PTPRD: variants seen among roughly 807,000 people sequenced by gnomAD.
PTPRD encodes protein tyrosine phosphatase receptor type D.
PTPRD carries 34 observed loss-of-function variants against 214.5 expected under a neutral mutation model. That is an observed-to-expected ratio of 0.16 (90% CI 0.12 to 0.21). The LOEUF (loss-of-function observed/expected upper bound fraction) is 0.21. Among genes scored for constraint, PTPRD ranks in the 10% least tolerant of loss-of-function variants. The probability of loss-of-function intolerance (pLI) is 1.00; values close to 1 mark genes in which losing one functional copy is unlikely to be tolerated. For missense variants in PTPRD, 2,545 were observed against 2,398.7 expected, an observed-to-expected ratio of 1.06 and a Z score of -1.27; for synonymous variants, 1,128 against 845.7, an observed-to-expected ratio of 1.33 and a Z score of -5.79.
At chr9:9,935,300 A>T (rs535388506) in intron 5 of PTPRD, among the ~76,000 whole-genome samples, 11 of 152,168 alleles carry the variant, frequency 7.2e-5, no homozygotes, top group South Asian at 4.1e-4. Flanking sequence ...TGTTTGCAGA[A>T]GACATGATTG....
chr9:9,335,761 CCT>C (rs1233483293), intron 9 of PTPRD, among the ~76,000 whole-genome samples: 2 of 151,986 alleles, frequency 1.3e-5, no homozygotes, highest in Non-Finnish European at 2.9e-5. Context: ...TTCATTCAAT[CCT>C]CTCTTTTACA....
intron 12 of PTPRD, among the ~76,000 whole-genome samples, chr9:8,661,310 T>C (rs1422206699): frequency 6.6e-6 from 1 of 152,084 alleles, no homozygotes; most frequent in Non-Finnish European, 1.5e-5. Context: ...TATGATTCAC[T>C]GTTCTAAATT....
chr9:9,970,067 G>C (rs112858695), intron 4 of PTPRD, among the ~76,000 whole-genome samples: 6 of 152,234 alleles, frequency 3.9e-5, no homozygotes, highest in African/African-American at 1.4e-4. Context: ...AAGGTGAAAA[G>C]GAGACCGTTT....
At chr9:9,782,639 G>T (rs1477903826) in intron 5 of PTPRD, among the ~76,000 whole-genome samples, 2 of 152,136 alleles carry the variant, frequency 1.3e-5, no homozygotes, top group African/African-American at 4.8e-5. Flanking sequence ...AAAAATTATT[G>T]CAATGAGTAT....
chr9:10,308,502 G>A (rs954108491), intron 3 of PTPRD, among the ~76,000 whole-genome samples: 15 of 151,882 alleles, frequency 9.9e-5, no homozygotes, highest in South Asian at 4.2e-4. Context: ...GTGTGATGTC[G>A]CCAGCTTTGT....
chr9:10,034,630 A>C (rs1420923407), intron 3 of PTPRD, among the ~76,000 whole-genome samples: 1 of 151,896 alleles, frequency 6.6e-6, no homozygotes, highest in Admixed American at 6.6e-5. Context: ...GTGTGTCCAT[A>C]TGTTCTCACC....
chr9:9,991,810 T>C (rs1471105164), intron 4 of PTPRD, among the ~76,000 whole-genome samples: 2 of 147,006 alleles, frequency 1.4e-5, no homozygotes, highest in Non-Finnish European at 3.0e-5. Flanking sequence ...CAATAACAAA[T>C]GTGCGAGGGA....
At chr9:8,669,076 G>A (rs570252081) in intron 12 of PTPRD, among the ~76,000 whole-genome samples, 1 of 152,182 alleles carries the variant, frequency 6.6e-6, no homozygotes, top group African/African-American at 2.4e-5. Context: ...TATGGGAAAG[G>A]GGAGGGAGGT....
At chr9:9,266,976 CA>C (rs1450764080) in intron 9 of PTPRD, among the ~76,000 whole-genome samples, 1 of 151,032 alleles carries the variant, frequency 6.6e-6, no homozygotes, top group Non-Finnish European at 1.5e-5. Context: ...ATAGAGACTA[CA>C]AAAAATTAGA....
intron 8 of PTPRD, among the ~76,000 whole-genome samples, chr9:9,474,429 C>T (rs1225254108): frequency 1.3e-5 from 2 of 151,970 alleles, no homozygotes; most frequent in African/African-American, 2.4e-5. Flanking sequence ...ATTCAAGGAC[C>T]TTTGTGGTCC....
intron 7 of PTPRD, among the ~76,000 whole-genome samples, chr9:9,712,857 G>A (rs529083735): frequency 1.3e-5 from 2 of 152,258 alleles, no homozygotes; most frequent in African/African-American, 4.8e-5. Context: ...TATGGTATTT[G>A]TTTTTAATAG....
chr9:10,394,965 T>TG (rs200243683), intron 2 of PTPRD, among the ~76,000 whole-genome samples: 4,053 of 150,360 alleles, frequency 0.027, 197 homozygotes, highest in African/African-American at 0.094. Flanking sequence ...TTCTTTTTTT[T>TG]TTTTTTTTTT....
Position 9,166,228 on chromosome 9 carries a change from G to T in PTPRD, c.-143+17076C>A, listed in dbSNP as rs551574195. On this transcript the variant is annotated intron_variant, in intron 10 of 45. Transcript: ENST00000381196. The stretch of plus-strand genomic sequence containing the variant: ...TCAATGTTGTAATAGTAGGAATAGA[G>T]GAGAGTTGAGAGAAACAAAAATATA... Among the ~76,000 whole-genome samples, 35 of 151,834 alleles carry T rather than the reference G, an allele frequency of 2.3e-4. No homozygotes were observed. The South Asian group carries it at 3.8e-3, about 16-fold the overall frequency.
rs571993450 is a variant in PTPRD, at chr9:8,315,619, C to CT, written c.*2254dup. 15 of 228,286 alleles carry CT rather than the reference C, an allele frequency of 6.6e-5. No individual in the cohort carries two copies. The highest frequency in any genetic ancestry group is 6.3e-4 in the Admixed American group (11 of 17,572). The allele number at this position is 228,286 out of a possible 1,614,324, so 14.1% of individuals were successfully genotyped here. On this transcript the variant is annotated 3_prime_UTR_variant, in exon 46 of 46. Transcript: ENST00000381196. The stretch of plus-strand genomic sequence containing the variant: ...TCATTCTGAGGTAGCCTTCTAGATA[C>CT]TTTTTTTTAGTATTATATATATTTT...
chr9:9,276,103 A>G (rs939717835), intron 9 of PTPRD, among the ~76,000 whole-genome samples: 2 of 151,364 alleles, frequency 1.3e-5, no homozygotes, highest in Non-Finnish European at 3.0e-5. Context: ...AACCCCAGCT[A>G]ACATTTCAAG....
rs150061806 is a variant in PTPRD at position 10,496,452 on chromosome 9, G to C, written c.-600+115946C>G. Among the ~76,000 whole-genome samples the C allele has an allele frequency of 6.5e-4, 98 of 151,894 alleles. 2 individuals carry two copies. The East Asian group carries it at 0.017, about 27-fold the overall frequency. On this transcript the variant is annotated intron_variant, in intron 2 of 45. Transcript: ENST00000381196. ...AGCAGCTAATTTATTAAATCTATTT[G>C]TTTTTGCACTAAGAATATTTGACAT...
chr9:10,521,417 C>G (rs2052233172), intron 2 of PTPRD, among the ~76,000 whole-genome samples: 1 of 152,122 alleles, frequency 6.6e-6, no homozygotes, highest in Admixed American at 6.6e-5. Flanking sequence ...GTGGGATCTA[C>G]TCCTGGTGAA....
In PTPRD at chr9:8,526,172, C is replaced by G. The variant is rs550230600; in HGVS notation, c.568+455G>C. Among the ~76,000 whole-genome samples, 10 of 140,564 alleles carry G rather than the reference C, an allele frequency of 7.1e-5. No homozygotes were observed. The South Asian group carries it at 2.1e-3, about 29-fold the overall frequency. 92.2% of individuals were successfully genotyped at this position (140,564 alleles called of 152,430 possible). A position where few individuals can be genotyped will look rare whatever the true frequency, so the allele number is the denominator to read the frequency against. On this transcript the variant is annotated intron_variant, in intron 17 of 45. Transcript: ENST00000381196. ...TCTTCTGCATGTCTGCCACTGTTCT[C>G]CAGACCACCTTGGCTTTGGTCCAGA... is the stretch of plus-strand genomic sequence containing the variant.
Position 8,499,856 on chromosome 9 carries a change from T to C in PTPRD, c.2129-16A>G, listed in dbSNP as rs199575422. ...CCACTAGGAACTGGAACAACATCATTGGATAAAAGAAATTATAGGCACTTG... is the reference window on the plus strand; with the variant it reads ...CCACTAGGAACTGGAACAACATCATCGGATAAAAGAAATTATAGGCACTTG... On this transcript the variant is annotated splice_polypyrimidine_tract_variant and intron_variant, in intron 24 of 45. Transcript: ENST00000381196. 936 of 1,588,158 alleles carry C rather than the reference T, an allele frequency of 5.9e-4. No individual in the cohort carries two copies. The highest frequency in any genetic ancestry group is 7.6e-4 in the Non-Finnish European group (883 of 1,168,316).
Sources: gnomAD v4.1 joint callset for allele counts (sites outside exome capture counted in the v4.1 genomes callset) on GRCh38, gnomAD v4.1.1 for gene constraint, MANE v1.5 for transcripts, NCBI Gene and HGNC (gene_info 2026-07-23, HGNC 2026-07-21) for gene names.